Variants in RAB7A observed in about 807,000 individuals in gnomAD.
The protein encoded by RAB7A is ras-related protein Rab-7a.
RAB7A carries 2 observed loss-of-function variants against 24.5 expected under a neutral mutation model. That is an observed-to-expected ratio of 0.08 (90% CI 0.03 to 0.26). The LOEUF is 0.26. Among genes scored for constraint, RAB7A ranks in the 10% least tolerant of loss-of-function variants. RAB7A has a pLI of 1.00. For missense variants in RAB7A, 118 were observed against 255.7 expected, an observed-to-expected ratio of 0.46 and a Z score of 3.67; for synonymous variants, 100 against 95.9, an observed-to-expected ratio of 1.04 and a Z score of -0.25.
At chr3:128,739,150 A>C (rs1201307549) in intron 1 of RAB7A, among the ~76,000 whole-genome samples, 1 of 152,202 alleles carries the variant, frequency 6.6e-6, no homozygotes, top group East Asian at 1.9e-4. Flanking sequence ...GGCAAGAGGC[A>C]CTGGTAGGCA....
At chr3:128,762,582 A>G (rs1051378068) in intron 1 of RAB7A, among the ~76,000 whole-genome samples, 4 of 152,032 alleles carry the variant, frequency 2.6e-5, no homozygotes, top group Non-Finnish European at 5.9e-5. Context: ...GGGAGTGGGG[A>G]GTGAGATGGG....
intron 1 of RAB7A, among the ~76,000 whole-genome samples, chr3:128,735,403 A>C (rs569761172): frequency 6.6e-6 from 1 of 152,248 alleles, no homozygotes; most frequent in African/African-American, 2.4e-5. Context: ...AAGTTCAACC[A>C]AGTGGCACTT....
intron 1 of RAB7A, among the ~76,000 whole-genome samples, chr3:128,753,242 TAAGTG>T (rs1222913297): frequency 6.6e-6 from 1 of 152,130 alleles, no homozygotes; most frequent in African/African-American, 2.4e-5. Context: ...GCCATTATGT[TAAGTG>T]AAGTTAGCCA....
intron 1 of RAB7A, among the ~76,000 whole-genome samples, chr3:128,750,831 A>T (rs762381860): frequency 3.3e-5 from 5 of 152,170 alleles, no homozygotes; most frequent in Non-Finnish European, 7.3e-5. Context: ...ACAGGCCTGG[A>T]GGCCTAGGAG....
intron 1 of RAB7A, among the ~76,000 whole-genome samples, chr3:128,783,105 TC>T (rs1210422695): frequency 6.6e-6 from 1 of 152,160 alleles, no homozygotes; most frequent in African/African-American, 2.4e-5. Context: ...ATGTCCACTG[TC>T]CCTGCACAAT....
chr3:128,759,676 C>G (rs2070761502), intron 1 of RAB7A, among the ~76,000 whole-genome samples: 1 of 152,034 alleles, frequency 6.6e-6, no homozygotes, highest in Admixed American at 6.6e-5. Context: ...CAAGTAAGCT[C>G]TGTTAGGTTT....
chr3:128,763,208 A>ATATATATTTTTTTTTTTTT, intron 1 of RAB7A, among the ~76,000 whole-genome samples: 1 of 76,108 alleles, frequency 1.3e-5, no homozygotes, highest in Admixed American at 1.7e-4. Context: ...ATATATATAT[A>ATATATATTTTTTTTTTTTT]TTTTTTTTTT....
intron 1 of RAB7A, among the ~76,000 whole-genome samples, chr3:128,747,355 G>A (rs2070628476): frequency 6.6e-6 from 1 of 151,628 alleles, no homozygotes; most frequent in Non-Finnish European, 1.5e-5. Flanking sequence ...GGGAGGCCGA[G>A]GTGGGCAGAT....
chr3:128,726,461 C>T (rs545703636), intron 1 of RAB7A, 102 bp downstream of exon 1: 8 of 152,588 alleles, frequency 5.2e-5, no homozygotes, highest in African/African-American at 1.9e-4. Context: ...TGGGCAGGCT[C>T]CAGTCCCAGC....
intron 3 of RAB7A, among the ~76,000 whole-genome samples, chr3:128,802,474 G>T (rs1464267867): frequency 2.6e-5 from 4 of 152,070 alleles, no homozygotes; most frequent in Non-Finnish European, 5.9e-5. Context: ...GTGTTGTAGG[G>T]TACATATTTT....
intron 1 of RAB7A, among the ~76,000 whole-genome samples, chr3:128,790,130 T>G (rs1933425551): frequency 6.6e-6 from 1 of 152,196 alleles, no homozygotes; most frequent in South Asian, 2.1e-4. Context: ...CCATTCTTGA[T>G]CTGGGAGAAC....
chr3:128,764,843 GGTGAAGAAA>G, intron 1 of RAB7A: 1 of 1,066,062 alleles, frequency 9.4e-7, no homozygotes. Context: ...TCATGAGATT[GGTGAAGAAA>G]GTATGTGGCA....
intron 5 of RAB7A, among the ~76,000 whole-genome samples, 200 bp from the exon 6 acceptor site, chr3:128,813,125 CTG>C (rs1459806252): frequency 6.6e-6 from 1 of 152,218 alleles, no homozygotes; most frequent in African/African-American, 2.4e-5. Context: ...GTCACAAAAT[CTG>C]TTTTTCTCTT....
At chr3:128,806,299 G>A (rs1933800607) in intron 3 of RAB7A, 73 bp from the exon 4 acceptor site, 9 of 1,385,300 alleles carry the variant, frequency 6.5e-6, no homozygotes, top group Non-Finnish European at 9.0e-6. Context: ...ATTTCTTCTG[G>A]CACCCCTTGC....
chr3:128,779,854 GC>G (rs1372497995), intron 1 of RAB7A, among the ~76,000 whole-genome samples: 2 of 152,344 alleles, frequency 1.3e-5, no homozygotes, highest in East Asian at 3.9e-4. Flanking sequence ...GTGCCACCGT[GC>G]CCAGCTGAGA....
chr3:128,802,855 A>G (rs1933729034), intron 3 of RAB7A, among the ~76,000 whole-genome samples: 1 of 151,908 alleles, frequency 6.6e-6, no homozygotes, highest in South Asian at 2.1e-4. Flanking sequence ...CCCAGGCTGG[A>G]GTGCAGTGGC....
chr3:128,813,743 A>G lies in RAB7A; in HGVS notation c.*321A>G. On this transcript the variant is annotated 3_prime_UTR_variant, in exon 6 of 6. Transcript: ENST00000265062. ...AGCGGTGGAAGTCATTCTGATATGG[A>G]GTTGGCATTGGAAGCTTATTCTTTT... 2.5e-6 allele frequency: 1 copy of G among 407,084 alleles called. No homozygotes were observed. The highest frequency in any genetic ancestry group is 4.7e-6 in the Non-Finnish European group (1 of 213,076). The allele number at this position is 407,084 out of a possible 1,614,324, so 25.2% of individuals were successfully genotyped here.
intron 1 of RAB7A, among the ~76,000 whole-genome samples, chr3:128,746,186 A>G (rs556385828): frequency 6.6e-6 from 1 of 151,938 alleles, no homozygotes; most frequent in South Asian, 2.1e-4. Flanking sequence ...ACCCTCCATT[A>G]TTTCTCTCTC....
At chr3:128,780,704 A>C (rs542035518) in intron 1 of RAB7A, among the ~76,000 whole-genome samples, 204 of 152,340 alleles carry the variant, frequency 1.3e-3, no homozygotes, top group African/African-American at 4.8e-3. Context: ...AAGTGGGGCC[A>C]GAAAGAGGCT....
Sources: allele counts gnomAD v4.1 joint callset (sites outside exome capture counted in the v4.1 genomes callset), GRCh38; gene constraint gnomAD v4.1.1; transcripts MANE v1.5; gene names NCBI Gene and HGNC (gene_info 2026-07-23, HGNC 2026-07-21).